ANO2: variants seen among roughly 807,000 people sequenced by gnomAD.
ANO2 encodes anoctamin 2, also known as anoctamin-2.
A neutral mutation model predicts 124.2 loss-of-function variants in ANO2; 101 were observed. The observed-to-expected ratio is 0.81, with a 90% CI of 0.69 to 0.96. ANO2 has a LOEUF of 0.96. Among genes scored for constraint, ANO2 ranks in the 40% least tolerant of loss-of-function variants. ANO2 has a pLI of 0.00. For synonymous variants in ANO2, 486 were observed against 482.5 expected (o/e 1.01, Z -0.09); for missense variants, 1,293 against 1,274.5 (o/e 1.01, Z -0.22).
rs1374684369 is a variant in ANO2 at position 5,618,703 on chromosome 12, A to C, written c.1817-3406T>G. ...CCCAGTCTAACCTGATGCGCCTAAG[A>C]AATATTTGTACTTGGCAGGTCACAT... On this transcript the variant is annotated intron_variant, in intron 16 of 24. Coordinates refer to ENST00000682330, the MANE Select transcript of ANO2 (RefSeq NM_001364791.2). Among the ~76,000 whole-genome samples the C allele has an allele frequency of 2.6e-5, 4 of 152,160 alleles. No homozygotes were observed. In the East Asian group the frequency reaches 7.7e-4, roughly 29 times the overall value.
chr12:5,938,055 T>G (rs1250453058), intron 1 of ANO2, among the ~76,000 whole-genome samples: 3 of 152,186 alleles, frequency 2.0e-5, no homozygotes, highest in Non-Finnish European at 4.4e-5. Context: ...TCTGGCAAAC[T>G]TCATATGCCT....
At chr12:5,630,638 G>GA (rs1945669582) in intron 16 of ANO2, among the ~76,000 whole-genome samples, 2 of 152,168 alleles carry the variant, frequency 1.3e-5, no homozygotes, top group African/African-American at 4.8e-5. Flanking sequence ...GGCATTCCTT[G>GA]AAAAATGTCT....
At chr12:5,926,937 G>A (rs1409316111) in intron 1 of ANO2, among the ~76,000 whole-genome samples, 1 of 152,184 alleles carries the variant, frequency 6.6e-6, no homozygotes, top group African/African-American at 2.4e-5. Context: ...CATAAAGTGA[G>A]TGTGATGATA....
At chr12:5,935,973 C>T (rs1942631960) in intron 1 of ANO2, among the ~76,000 whole-genome samples, 1 of 152,198 alleles carries the variant, frequency 6.6e-6, no homozygotes, top group South Asian at 2.1e-4. Context: ...GGTGGATTTA[C>T]ATTTCCCTAA....
At chr12:5,786,628 A>ACCT (rs1479781358) in intron 10 of ANO2, among the ~76,000 whole-genome samples, 1 of 150,694 alleles carries the variant, frequency 6.6e-6, no homozygotes, top group Non-Finnish European at 1.5e-5. Context: ...TTGCTCCAAA[A>ACCT]CCTCCTAGAG....
intron 4 of ANO2, among the ~76,000 whole-genome samples, chr12:5,845,884 C>T (rs182855073): frequency 1.3e-5 from 2 of 152,330 alleles, no homozygotes; most frequent in East Asian, 3.9e-4. Context: ...AAATCACGTA[C>T]ATAAGGCTCT....
intron 14 of ANO2, among the ~76,000 whole-genome samples, chr12:5,732,255 G>T: frequency 6.6e-6 from 1 of 152,066 alleles, no homozygotes; most frequent in East Asian, 1.9e-4. Context: ...TAGGAATCAG[G>T]CCTGAAACTG....
chr12:5,868,132 T>G (rs2137276731), intron 3 of ANO2, among the ~76,000 whole-genome samples: 1 of 152,326 alleles, frequency 6.6e-6, no homozygotes, highest in East Asian at 1.9e-4. Context: ...ACAATGTGAT[T>G]ATTACGAATT....
At chr12:5,821,010 T>C (rs1297023324) in intron 7 of ANO2, among the ~76,000 whole-genome samples, 1 of 152,232 alleles carries the variant, frequency 6.6e-6, no homozygotes, top group Non-Finnish European at 1.5e-5. Context: ...CCCTCAGGGT[T>C]ATATCAACTC....
chr12:5,906,534 T>C lies in ANO2; in HGVS notation c.534+14506A>G, dbSNP rs372715010. On this transcript the variant is annotated intron_variant, in intron 3 of 24. Coordinates refer to ENST00000682330, the MANE Select transcript of ANO2 (RefSeq NM_001364791.2). Reference sequence around the variant, plus strand: ...AATAAAGGCCAGGCGCAGTGGCTCATGCCTGTAATCCCAGCACTTTGGGAG... The same window carrying C: ...AATAAAGGCCAGGCGCAGTGGCTCACGCCTGTAATCCCAGCACTTTGGGAG... Among the ~76,000 whole-genome samples, 9 of 152,152 alleles carry C rather than the reference T, an allele frequency of 5.9e-5. No individual in the cohort carries two copies. The East Asian group carries it at 7.7e-4, about 13-fold the overall frequency.
chr12:5,732,281 G>T, intron 14 of ANO2, among the ~76,000 whole-genome samples: 1 of 152,138 alleles, frequency 6.6e-6, no homozygotes, highest in South Asian at 2.1e-4. Context: ...CCTCTAACCT[G>T]CCCTCCCATT....
At chr12:5,757,170 T>C (rs866556140) in intron 10 of ANO2, among the ~76,000 whole-genome samples, 19 of 152,368 alleles carry the variant, frequency 1.2e-4, no homozygotes, top group Middle Eastern at 3.4e-3. Context: ...AGATGGTTGC[T>C]AAACAGGTGT....
intron 17 of ANO2, among the ~76,000 whole-genome samples, chr12:5,614,802 C>A (rs570603090): frequency 6.6e-6 from 1 of 152,134 alleles, no homozygotes; most frequent in African/African-American, 2.4e-5. Flanking sequence ...TGTGAGGGGC[C>A]GTGCCCTTAA....
chr12:5,708,147 T>A (rs990738941), intron 14 of ANO2, among the ~76,000 whole-genome samples: 1 of 152,196 alleles, frequency 6.6e-6, no homozygotes, highest in African/African-American at 2.4e-5. Flanking sequence ...TTCTTTTCCC[T>A]TCACCAAACC....
chr12:5,921,685 C>T (rs1941710772), intron 2 of ANO2, among the ~76,000 whole-genome samples: 1 of 152,152 alleles, frequency 6.6e-6, no homozygotes, highest in South Asian at 2.1e-4. Context: ...CCTGCCTCCA[C>T]ACACAGAACC....
At chr12:5,812,317 AAGGG>A (rs1226973840) in intron 7 of ANO2, among the ~76,000 whole-genome samples, 1,182 of 109,984 alleles carry the variant, frequency 0.011, 21 homozygotes, top group African/African-American at 0.031. Flanking sequence ...GGAAGGAAGG[AAGGG>A]AGGGAGGGAG....
intron 15 of ANO2, among the ~76,000 whole-genome samples, chr12:5,642,669 C>G (rs1229328721): frequency 6.6e-6 from 1 of 152,152 alleles, no homozygotes; most frequent in Non-Finnish European, 1.5e-5. Flanking sequence ...TCATGTCACT[C>G]CTTGCAAGAC....
At position 5,743,635 on chromosome 12, in the gene ANO2, T is replaced by A. The variant is rs149584940; in HGVS notation, c.1351+522A>T. ...CCCTTTGGTGGGAATACTGAAAGCA[T>A]TACCCTGGCATTAAATATTAAATTA... On this transcript the variant is annotated intron_variant, in intron 12 of 24. Coordinates refer to ENST00000682330, the MANE Select transcript of ANO2 (RefSeq NM_001364791.2). Among the ~76,000 whole-genome samples the A allele has an allele frequency of 4.2e-3, 633 of 152,254 alleles. 3 individuals are homozygous for A. The highest frequency in any genetic ancestry group is 0.015 in the African/African-American group (617 of 41,540).
chr12:5,598,259 T>G (rs1265116833), intron 20 of ANO2, among the ~76,000 whole-genome samples: 1 of 152,248 alleles, frequency 6.6e-6, no homozygotes, highest in African/African-American at 2.4e-5. Context: ...GCAATGATAC[T>G]AAGCACTGAA....
Sources: allele counts gnomAD v4.1 joint callset (sites outside exome capture counted in the v4.1 genomes callset), GRCh38; gene constraint gnomAD v4.1.1; transcripts MANE v1.5; gene names NCBI Gene and HGNC (gene_info 2026-07-23, HGNC 2026-07-21).